ARHGAP26: variants seen among roughly 807,000 people sequenced by gnomAD.
ARHGAP26 encodes the protein Rho GTPase activating protein 26.
Under a neutral mutation model 104.8 loss-of-function variants are expected in ARHGAP26, and 38 were observed. The observed-to-expected ratio is 0.36, with a 90% CI of 0.28 to 0.48. The LOEUF is 0.48. Among genes scored for constraint, ARHGAP26 ranks in the 20% least tolerant of loss-of-function variants. The probability of loss-of-function intolerance (pLI) is 0.99; values close to 1 mark genes in which losing one functional copy is unlikely to be tolerated. For missense variants in ARHGAP26, 704 were observed against 947.9 expected (o/e 0.74, Z 3.38); for synonymous variants, 341 against 340.0 (o/e 1.00, Z -0.03).
At chr5:143,190,183 C>A (rs1227153200) in intron 20 of ARHGAP26, among the ~76,000 whole-genome samples, 3 of 152,174 alleles carry the variant, frequency 2.0e-5, no homozygotes, top group Non-Finnish European at 4.4e-5. Context: ...GGCAGACAGA[C>A]AGGTGGTTTC....
chr5:143,012,564 T>TATATATATAC lies in ARHGAP26; in HGVS notation c.1108-1507_1108-1506insCATATATATA, dbSNP rs1554195725. ...ATATACATACATACATATATATATATATATATATATATTATGATCAGGTTC... is the reference window on the plus strand; with the variant it reads ...ATATACATACATACATATATATATATATATATATACATATATATATATTATGATCAGGTTC... On this transcript the variant is annotated intron_variant, in intron 11 of 22. Transcript: ENST00000645722. Among the ~76,000 whole-genome samples the TATATATATAC allele has an allele frequency of 2.3e-4, 18 of 77,736 alleles. 1 individual carries two copies. The highest frequency in any genetic ancestry group is 4.9e-4 in the Non-Finnish European group (16 of 32,454). The allele number at this position is 77,736 out of a possible 152,430, so 51.0% of individuals were successfully genotyped here.
At chr5:142,908,019 G>A (rs1322698169) in intron 9 of ARHGAP26, among the ~76,000 whole-genome samples, 1 of 152,136 alleles carries the variant, frequency 6.6e-6, no homozygotes, top group Non-Finnish European at 1.5e-5. Context: ...ACTTACGTTA[G>A]GAACTGCAGT....
At chr5:142,809,190 G>T (rs1482292260) in intron 1 of ARHGAP26, among the ~76,000 whole-genome samples, 2 of 152,088 alleles carry the variant, frequency 1.3e-5, no homozygotes, top group Admixed American at 6.5e-5. Context: ...TTTTTGAATG[G>T]TTTTATTTGT....
At chr5:143,065,434 G>T (rs1406459688) in intron 17 of ARHGAP26, among the ~76,000 whole-genome samples, 1 of 152,132 alleles carries the variant, frequency 6.6e-6, no homozygotes, top group Non-Finnish European at 1.5e-5. Flanking sequence ...GTGGCAGCTG[G>T]CAGACTTCTA....
chr5:142,788,694 AAT>A (rs1305065769), intron 1 of ARHGAP26, among the ~76,000 whole-genome samples: 2 of 152,196 alleles, frequency 1.3e-5, no homozygotes, highest in Non-Finnish European at 2.9e-5. Flanking sequence ...GATGATTTAA[AAT>A]ATGTGGGAGG....
intron 12 of ARHGAP26, among the ~76,000 whole-genome samples, chr5:143,020,011 C>T (rs959921555): frequency 1.3e-5 from 2 of 152,210 alleles, no homozygotes; most frequent in Non-Finnish European, 2.9e-5. Flanking sequence ...TAACACTGGC[C>T]ATCTGGCTTT....
intron 17 of ARHGAP26, among the ~76,000 whole-genome samples, chr5:143,109,096 G>A (rs1562441936): frequency 6.6e-6 from 1 of 152,184 alleles, no homozygotes. Context: ...GAAATTCAAT[G>A]GACTCTACAA....
intron 17 of ARHGAP26, among the ~76,000 whole-genome samples, chr5:143,096,429 A>G (rs889246085): frequency 7.9e-5 from 12 of 152,236 alleles, no homozygotes; most frequent in African/African-American, 2.4e-4. Context: ...TTTCTGAGAA[A>G]GTGTCTGCCA....
intron 17 of ARHGAP26, among the ~76,000 whole-genome samples, chr5:143,102,642 A>G (rs1046315857): frequency 6.6e-6 from 1 of 151,980 alleles, no homozygotes; most frequent in African/African-American, 2.4e-5. Context: ...GGAGACAGAG[A>G]CTCTTTCATT....
At chr5:143,066,301 G>C (rs1787472365) in intron 17 of ARHGAP26, among the ~76,000 whole-genome samples, 1 of 152,188 alleles carries the variant, frequency 6.6e-6, no homozygotes, top group Non-Finnish European at 1.5e-5. Flanking sequence ...TGCACTCTAT[G>C]ATGTTCACAC....
chr5:143,191,496 C>T (rs2151255814), intron 20 of ARHGAP26, among the ~76,000 whole-genome samples: 1 of 152,182 alleles, frequency 6.6e-6, no homozygotes, highest in Non-Finnish European at 1.5e-5. Context: ...ACTGAGATAG[C>T]TGAAATAGCT....
chr5:143,212,097 T>C (rs1234252960), intron 21 of ARHGAP26, among the ~76,000 whole-genome samples: 1 of 152,142 alleles, frequency 6.6e-6, no homozygotes, highest in East Asian at 1.9e-4. Context: ...TTTCCTCAGA[T>C]GCTGTTTCCC....
At chr5:143,056,188 C>T (rs1785780332) in intron 16 of ARHGAP26, 102 bp downstream of exon 16, 6 of 943,818 alleles carry the variant, frequency 6.4e-6, no homozygotes, top group Middle Eastern at 2.1e-4. Flanking sequence ...CCTTCGTATT[C>T]TGCACATAAA....
chr5:143,004,438 G>C (rs1039659795), intron 11 of ARHGAP26, among the ~76,000 whole-genome samples: 1 of 152,164 alleles, frequency 6.6e-6, no homozygotes, highest in Non-Finnish European at 1.5e-5. Context: ...ACCAGTGAAA[G>C]GGTTAGGCTG....
chr5:143,222,246 TACACACACACACACACACACACAC>T (rs66463225), intron 22 of ARHGAP26, 88 bp from the exon 23 acceptor site: 4 of 478,492 alleles, frequency 8.4e-6, no homozygotes, highest in Admixed American at 3.6e-5. Flanking sequence ...GCTTCCTTCA[TACACACACACACACACACACACAC>T]ACACACACAC....
intron 11 of ARHGAP26, among the ~76,000 whole-genome samples, chr5:142,949,180 A>AGAGAGAGAGAGAG (rs1554167201): frequency 1.9e-3 from 14 of 7,526 alleles, no homozygotes; most frequent in South Asian, 0.012. Context: ...AGAGAGAGAG[A>AGAGAGAGAGAGAG]GAGAGAGAGA....
chr5:142,856,287 A>G (rs1752339943), intron 1 of ARHGAP26, among the ~76,000 whole-genome samples: 1 of 152,204 alleles, frequency 6.6e-6, no homozygotes. Flanking sequence ...GCCAGGTGGC[A>G]GTCGGTTGGT....
At chr5:142,866,129 C>T (rs1459762514) in intron 1 of ARHGAP26, among the ~76,000 whole-genome samples, 3 of 152,082 alleles carry the variant, frequency 2.0e-5, no homozygotes, top group Non-Finnish European at 4.4e-5. Context: ...CTCTGATTGC[C>T]CTAGCACAGT....
At chr5:143,217,951 A>G (rs1159517809) in intron 22 of ARHGAP26, among the ~76,000 whole-genome samples, 1 of 152,228 alleles carries the variant, frequency 6.6e-6, no homozygotes, top group Non-Finnish European at 1.5e-5. Context: ...CCTAGGGCCT[A>G]GTTCCTACCC....
Sources: allele counts gnomAD v4.1 joint callset (sites outside exome capture counted in the v4.1 genomes callset), GRCh38; gene constraint gnomAD v4.1.1; transcripts MANE v1.5; gene names NCBI Gene and HGNC (gene_info 2026-07-23, HGNC 2026-07-21).